Variants in PIGB observed in about 807,000 individuals in gnomAD.
PIGB encodes the protein GPI alpha-1,2-mannosyltransferase 3.
PIGB carries 58 observed loss-of-function variants against 68.4 expected under a neutral mutation model. The observed-to-expected ratio is 0.85, with a 90% CI of 0.69 to 1.06. The LOEUF (loss-of-function observed/expected upper bound fraction) is 1.06, where lower values mean the gene tolerates loss of function less well. Ranked by LOEUF, PIGB falls within the 50% of genes least tolerant of loss-of-function variation. PIGB has a pLI of 0.00. For synonymous variants in PIGB, 219 were observed against 220.5 expected (o/e 0.99, Z 0.06); for missense variants, 634 against 655.8 (o/e 0.97, Z 0.36).
intron 10 of PIGB, among the ~76,000 whole-genome samples, chr15:55,353,563 C>G (rs908893604): frequency 9.2e-5 from 14 of 152,118 alleles, no homozygotes; most frequent in African/African-American, 2.4e-5. Context: ...CTTAAATTGT[C>G]ATAACTGGTA....
Position 55,334,525 on chromosome 15 carries a change from G to T in PIGB, c.794+518G>T, listed in dbSNP as rs192243345. ...GCTCCTAGGATGAGTTGTATCCCAA[G>T]TATCTAGTAGACTACCCCGAATAAT... On this transcript the variant is annotated intron_variant, in intron 6 of 11. Coordinates refer to ENST00000164305, the MANE Select transcript of PIGB (RefSeq NM_004855.5). 1.1e-3 allele frequency among the ~76,000 whole-genome samples: 171 copies of T among 152,192 alleles called. 1 individual carries two copies. The highest frequency in any genetic ancestry group is 2.0e-3 in the Non-Finnish European group (136 of 68,008).
chr15:55,344,857 T>G (rs2055753236), intron 9 of PIGB, among the ~76,000 whole-genome samples: 1 of 151,952 alleles, frequency 6.6e-6, no homozygotes, highest in Non-Finnish European at 1.5e-5. Flanking sequence ...GACTTCTCTC[T>G]TACTGGGCCA....
intron 3 of PIGB, chr15:55,324,706 T>G (rs981152431): frequency 1.1e-5 from 5 of 446,910 alleles, no homozygotes; most frequent in African/African-American, 2.1e-5. Context: ...TTTTAGCTTT[T>G]TAATAGCTAC....
chr15:55,322,830 T>TA (rs1311766750), intron 3 of PIGB, among the ~76,000 whole-genome samples: 1 of 152,212 alleles, frequency 6.6e-6, no homozygotes, highest in Non-Finnish European at 1.5e-5. Flanking sequence ...TTTCTTCTCT[T>TA]ACAGTTATCT....
chr15:55,335,072 C>T (rs1157524414), intron 6 of PIGB, among the ~76,000 whole-genome samples: 4 of 152,160 alleles, frequency 2.6e-5, no homozygotes, highest in Non-Finnish European at 5.9e-5. Flanking sequence ...CAATTGCTTA[C>T]AATATTCAGC....
chr15:55,343,596 A>G (rs1462582778), intron 9 of PIGB: 2 of 152,212 alleles, frequency 1.3e-5, no homozygotes, highest in Non-Finnish European at 2.9e-5. Flanking sequence ...CCAGTCTAAA[A>G]GATTGAATCT....
intron 7 of PIGB, 136 bp from the exon 8 acceptor site, chr15:55,340,476 A>T: frequency 2.0e-6 from 1 of 511,966 alleles, no homozygotes; most frequent in Non-Finnish European, 3.3e-6. Flanking sequence ...AAAAAAAAAA[A>T]TTATTAATGT....
intron 9 of PIGB, among the ~76,000 whole-genome samples, chr15:55,344,922 GTCTC>G (rs2055757568): frequency 7.8e-6 from 1 of 127,980 alleles, no homozygotes; most frequent in Non-Finnish European, 1.6e-5. Flanking sequence ...TTGAGACAGA[GTCTC>G]TCTCTGTCGC....
chr15:55,347,418 A>G (rs1009793600), intron 9 of PIGB, among the ~76,000 whole-genome samples: 2 of 152,388 alleles, frequency 1.3e-5, no homozygotes, highest in South Asian at 4.1e-4. Flanking sequence ...AAAGAGCGAG[A>G]GTCCATCTCA....
chr15:55,337,074 A>G (rs1566953307), intron 6 of PIGB, among the ~76,000 whole-genome samples: 1 of 152,234 alleles, frequency 6.6e-6, no homozygotes, highest in Non-Finnish European at 1.5e-5. Context: ...ATTATTGAAA[A>G]GGTTTCATCA....
At chr15:55,322,104 G>A (rs1191861069) in intron 3 of PIGB, among the ~76,000 whole-genome samples, 3 of 151,844 alleles carry the variant, frequency 2.0e-5, no homozygotes, top group Admixed American at 6.6e-5. Context: ...AACCCAGGAG[G>A]TGGAGGTTGC....
chr15:55,326,268 T>C (rs764789470), intron 3 of PIGB, among the ~76,000 whole-genome samples: 9 of 151,924 alleles, frequency 5.9e-5, no homozygotes, highest in Non-Finnish European at 7.4e-5. Flanking sequence ...TCTTATTATC[T>C]TATACATAAT....
At chr15:55,352,349 T>C (rs2055944499) in intron 10 of PIGB, among the ~76,000 whole-genome samples, 1 of 152,236 alleles carries the variant, frequency 6.6e-6, no homozygotes, top group African/African-American at 2.4e-5. Context: ...TAAGTGTTTC[T>C]GGGAAATATA....
Position 55,319,418 on chromosome 15 carries a change from G to C in PIGB, c.163+5G>C. 9 of 1,551,310 alleles carry C rather than the reference G, an allele frequency of 5.8e-6. No individual in the cohort carries two copies. Among genetic ancestry groups the C allele is most frequent in the Non-Finnish European group, 7.8e-6 (9 of 1,146,686 alleles). On this transcript the variant is annotated splice_donor_5th_base_variant and intron_variant, in intron 1 of 11. Transcript: ENST00000164305. ...AGAGCGCCAGGCGCCGCGGGGGTGA[G>C]TGAGGGGACACTGTCTGGAGAGCTC...
intron 4 of PIGB, among the ~76,000 whole-genome samples, chr15:55,328,827 G>A (rs976399362): frequency 5.9e-5 from 9 of 152,216 alleles, no homozygotes; most frequent in South Asian, 4.2e-4. Context: ...TTATCCAGGC[G>A]TGGTGGCAGA....
chr15:55,327,228 ATTTATATT>A (rs889222988), intron 3 of PIGB, among the ~76,000 whole-genome samples: 4 of 130,280 alleles, frequency 3.1e-5, no homozygotes, highest in East Asian at 2.9e-4. Flanking sequence ...AAATATATAT[ATTTATATT>A]TATAATATAT....
At chr15:55,340,856 T>A in intron 8 of PIGB, 33 bp downstream of exon 8, 1 of 1,326,232 alleles carries the variant, frequency 7.5e-7, no homozygotes, top group Non-Finnish European at 1.0e-6. Context: ...GGCTAAAATT[T>A]TTTATGTTAC....
chr15:55,333,982 A>C lies in PIGB; in HGVS notation c.769A>C (p.Ile257Leu). ...FCQEPRKLDL[I>L]LHHFLPVGFV... is the part of the protein sequence containing the mutation. Reference sequence around the variant, plus strand: ...TCAAGAACCAAGAAAGCTTGATCTTATTCTACATCATTTTTTACCTGTAGG... The same window carrying C: ...TCAAGAACCAAGAAAGCTTGATCTTCTTCTACATCATTTTTTACCTGTAGG... Residue 257 changes from isoleucine to leucine, a missense_variant, in exon 6 of 12, where the codon ATT becomes CTT. Physicochemically the swap from Ile to Leu is conservative, Grantham distance 5. Transcript: ENST00000164305. The C allele has an allele frequency of 1.9e-6, 3 of 1,603,686 alleles. No homozygotes were observed. Among genetic ancestry groups the C allele is most frequent in the Non-Finnish European group, 2.6e-6 (3 of 1,175,404 alleles).
Position 55,339,252 on chromosome 15 carries a change from AT to A in PIGB, c.795-10del, listed in dbSNP as rs1437098822. 1.9e-6 allele frequency: 3 copies of A among 1,543,486 alleles called. No individual in the cohort carries two copies. The highest frequency in any genetic ancestry group is 2.7e-5 in the African/African-American group (2 of 72,974). ...AGCTCCAAATGTGAATCACTATGCT[AT>A]TTTTGTTTTTCAGCTTTGTTACTTT... On this transcript the variant is annotated splice_polypyrimidine_tract_variant and intron_variant, in intron 6 of 11. Transcript: ENST00000164305.
Sources: allele counts gnomAD v4.1 joint callset (sites outside exome capture counted in the v4.1 genomes callset), GRCh38; gene constraint gnomAD v4.1.1; transcripts MANE v1.5; gene names NCBI Gene and HGNC (gene_info 2026-07-23, HGNC 2026-07-21).